Variants in TENM1 observed in about 807,000 individuals in gnomAD.
The protein encoded by TENM1 is teneurin-1.
A neutral mutation model predicts 174.8 loss-of-function variants in TENM1; 35 were observed. That is an observed-to-expected ratio of 0.20 (90% CI 0.15 to 0.27). The LOEUF (loss-of-function observed/expected upper bound fraction) is 0.27, where lower values mean the gene tolerates loss of function less well. Among genes scored for constraint, TENM1 ranks in the 10% least tolerant of loss-of-function variants. TENM1 has a pLI of 1.00. For missense variants in TENM1, 1,633 were observed against 2,130.1 expected (o/e 0.77, Z 4.59); for synonymous variants, 781 against 798.7 (o/e 0.98, Z 0.37).
intron 23 of TENM1, among the ~76,000 whole-genome samples, chrX:124,446,938 A>G (rs763326092): frequency 7.1e-5 from 8 of 112,294 alleles, no homozygotes; most frequent in African/African-American, 2.6e-4. Context: ...TTAAGGTCTG[A>G]TTCAAATCTT....
chrX:124,449,340 T>C (rs762682091), intron 23 of TENM1, among the ~76,000 whole-genome samples: 1 of 112,358 alleles, frequency 8.9e-6, no homozygotes, highest in African/African-American at 3.2e-5. Flanking sequence ...GGCTGCATTG[T>C]ATTTCCCAAC....
At chrX:124,763,260 G>A (rs2054462805) in intron 3 of TENM1, among the ~76,000 whole-genome samples, 1 of 111,442 alleles carries the variant, frequency 9.0e-6, no homozygotes, top group African/African-American at 3.3e-5. Context: ...GGGTGCCTCA[G>A]TGGCTTGGGC....
chrX:124,985,028 G>A, the TENM1 span, among the ~76,000 whole-genome samples: 2 of 111,844 alleles, frequency 1.8e-5, no homozygotes, highest in Non-Finnish European at 3.8e-5. Context: ...GGTTAAAAAT[G>A]TCCGAAGTAA....
the TENM1 span, among the ~76,000 whole-genome samples, chrX:125,012,175 G>T: frequency 9.0e-6 from 1 of 111,029 alleles, no homozygotes; most frequent in Non-Finnish European, 1.9e-5. Flanking sequence ...CACACACCAG[G>T]GCCTGTCGTG....
intron 18 of TENM1, among the ~76,000 whole-genome samples, chrX:124,514,474 A>G (rs1187557219): frequency 8.1e-5 from 9 of 111,373 alleles, no homozygotes; most frequent in Non-Finnish European, 5.7e-5. Flanking sequence ...AAAGAAAAAA[A>G]GAGAGAAGGT....
chrX:124,989,599 A>G, the TENM1 span, among the ~76,000 whole-genome samples: 2 of 111,167 alleles, frequency 1.8e-5, no homozygotes, highest in Non-Finnish European at 3.8e-5. Context: ...GATTTACACT[A>G]CCTGATTTTA....
chrX:124,685,561 G>GTTTT (rs201481902), intron 5 of TENM1, among the ~76,000 whole-genome samples: 1,892 of 94,431 alleles, frequency 0.02, 72 homozygotes, highest in African/African-American at 0.073. Context: ...AAGCAAATCT[G>GTTTT]TTTTTTTTTT....
At chrX:124,966,607 A>G (rs1169640709), upstream of TENM1, among the ~76,000 whole-genome samples, 6 of 105,407 alleles carry the variant, frequency 5.7e-5, no homozygotes, top group Non-Finnish European at 1.2e-4. Flanking sequence ...GCTTGCAGTG[A>G]GCCGAGATCG....
the TENM1 span, among the ~76,000 whole-genome samples, chrX:125,203,412 C>G: frequency 8.9e-6 from 1 of 112,449 alleles, no homozygotes; most frequent in South Asian, 3.7e-4. Flanking sequence ...AGTGACTGGG[C>G]TCTGCGCGAG....
At position 124,451,733 on chromosome X, in the gene TENM1, C is replaced by T. The variant is rs190654801; in HGVS notation, c.4104+1604G>A. Among the ~76,000 whole-genome samples the T allele has an allele frequency of 2.1e-3, 236 of 111,926 alleles. 1 individual carries two copies. Among genetic ancestry groups the T allele is most frequent in the African/African-American group, 6.0e-3 (185 of 30,817 alleles). On this transcript the variant is annotated intron_variant, in intron 23 of 31. Transcript: ENST00000422452. Reference sequence around the variant, plus strand: ...AATAATACCACACATCTATAGCTATCTGATCTTTGACAAACCTGACAAAAA... The same window carrying T: ...AATAATACCACACATCTATAGCTATTTGATCTTTGACAAACCTGACAAAAA...
intron 23 of TENM1, among the ~76,000 whole-genome samples, chrX:124,438,481 T>C: frequency 9.0e-6 from 1 of 111,536 alleles, no homozygotes; most frequent in Non-Finnish European, 1.9e-5. Flanking sequence ...TTTGCAAGCC[T>C]TGCATCTTGT....
At chrX:125,061,696 C>T in the TENM1 span, among the ~76,000 whole-genome samples, 1 of 111,854 alleles carries the variant, frequency 8.9e-6, no homozygotes, top group Non-Finnish European at 1.9e-5. Context: ...GCGGGCAGAT[C>T]GCTTGAGGTC....
Position 124,844,777 on chromosome X carries a change from G to A in TENM1, c.535+49519C>T, listed in dbSNP as rs777719748. Among the ~76,000 whole-genome samples, 79 of 111,753 alleles carry A rather than the reference G, an allele frequency of 7.1e-4. 1 individual carries two copies. Among genetic ancestry groups the A allele is most frequent in the Admixed American group, 1.7e-3 (18 of 10,559 alleles). On this transcript the variant is annotated intron_variant, in intron 3 of 31. Transcript: ENST00000422452. ...CAACTGGTGTTGTATTTTTAGGGAC[G>A]TACCTTCAGTTAAGTTGATGCAGAT...
the TENM1 span, among the ~76,000 whole-genome samples, chrX:125,174,990 G>A: frequency 9.0e-6 from 1 of 111,503 alleles, no homozygotes; most frequent in Non-Finnish European, 1.9e-5. Flanking sequence ...AAAATGAATA[G>A]CGTAGTACTT....
chrX:125,015,154 T>C, the TENM1 span, among the ~76,000 whole-genome samples: 4 of 111,613 alleles, frequency 3.6e-5, no homozygotes, highest in Non-Finnish European at 7.5e-5. Context: ...TGTCAGCAGA[T>C]TGGGACATCC....
At chrX:125,075,467 A>T in the TENM1 span, among the ~76,000 whole-genome samples, 6 of 111,483 alleles carry the variant, frequency 5.4e-5, no homozygotes, top group African/African-American at 2.0e-4. Flanking sequence ...ATAAGTTTTT[A>T]TGTAGACATA....
chrX:124,692,019 C>T (rs186212937), intron 5 of TENM1, among the ~76,000 whole-genome samples: 47 of 111,831 alleles, frequency 4.2e-4, no homozygotes, highest in African/African-American at 1.4e-3. Context: ...TTAATTTGTA[C>T]GTTCATTTCA....
At chrX:124,451,452 G>A (rs1390297708) in intron 23 of TENM1, among the ~76,000 whole-genome samples, 8 of 111,859 alleles carry the variant, frequency 7.2e-5, no homozygotes, top group Non-Finnish European at 1.3e-4. Context: ...AAGAGACTTC[G>A]TAGTCACTAT....
At chrX:124,757,271 C>T (rs930563097) in intron 3 of TENM1, among the ~76,000 whole-genome samples, 9 of 112,568 alleles carry the variant, frequency 8.0e-5, no homozygotes, top group Non-Finnish European at 1.7e-4. Flanking sequence ...ATCAGCGAGA[C>T]TCCGTGGGCG....
Sources: allele counts gnomAD v4.1 joint callset (sites outside exome capture counted in the v4.1 genomes callset), GRCh38; gene constraint gnomAD v4.1.1; transcripts MANE v1.5; gene names NCBI Gene and HGNC (gene_info 2026-07-23, HGNC 2026-07-21).